Variants in NAV1 observed in about 807,000 individuals in gnomAD.
The protein encoded by NAV1 is pore membrane and/or filament interacting like protein 3.
In NAV1, 18 loss-of-function variants were observed where a neutral mutation model predicts 175.2. That is an observed-to-expected ratio of 0.10 (90% confidence interval 0.07 to 0.15). NAV1 has a LOEUF of 0.15. Among genes scored for constraint, NAV1 ranks in the 10% least tolerant of loss-of-function variants. NAV1 has a pLI of 1.00. For synonymous variants in NAV1, 897 were observed against 978.7 expected (o/e 0.92, Z 1.56); for missense variants, 1,731 against 2,436.6 (o/e 0.71, Z 6.10).
In NAV1 at chr1:201,705,001, T is replaced by C. The variant is rs1002630945; in HGVS notation, c.758-7816T>C. Among the ~76,000 whole-genome samples, 17 of 152,222 alleles carry C rather than the reference T, an allele frequency of 1.1e-4. 1 individual carries two copies. The highest frequency in any genetic ancestry group is 2.4e-5 in the African/African-American group (1 of 41,460). The stretch of plus-strand genomic sequence containing the variant: ...GAACTCTAAAAATTATTATTTTTTA[T>C]AGTGATGGGCTCTTGCTGTGTTGCC... On this transcript the variant is annotated intron_variant, in intron 1 of 29. Transcript: ENST00000367296.
intron 3 of NAV1, among the ~76,000 whole-genome samples, chr1:201,722,376 A>G (rs1672423176): frequency 6.6e-6 from 1 of 152,188 alleles, no homozygotes; most frequent in African/African-American, 2.4e-5. Context: ...TTGTTGTTTA[A>G]TGACTGGCTT....
intron 1 of NAV1, among the ~76,000 whole-genome samples, chr1:201,558,597 C>A (rs1034811968): frequency 5.3e-5 from 8 of 152,130 alleles, no homozygotes; most frequent in African/African-American, 2.4e-5. Context: ...GGATTACAGG[C>A]GCACACCACC....
At chr1:201,726,569 A>G (rs966205234) in intron 3 of NAV1, among the ~76,000 whole-genome samples, 8 of 148,176 alleles carry the variant, frequency 5.4e-5, no homozygotes, top group African/African-American at 2.0e-4. Context: ...AATTGCTTGA[A>G]CCCAGGAGGT....
In NAV1 at chr1:201,808,817, C is replaced by T. The variant is rs141703547; in HGVS notation, c.4153C>T (p.Arg1385Cys). The change falls in exon 20 of 30, where the codon CGC (arginine) becomes TGC (cysteine). Residue 1385 changes from arginine to cysteine, a missense_variant. This residue lies in a region of NAV1 where 122 missense variants were observed against 139.4 expected (regional missense o/e 0.88). Transcript: ENST00000367296. This position sits in a 1 kb window ranked among gnomAD's most constrained non-coding sequence, Gnocchi z 5.5. ...ATCATCTGCATTATCTTCCCCACGC[C>T]GCTCCCTAGGCCTGGCACTCACCCA... 8 of 1,613,896 alleles carry T rather than the reference C, an allele frequency of 5.0e-6. No individual in the cohort carries two copies. In the African/African-American group the frequency reaches 6.7e-5, roughly 13 times the overall value.
chr1:201,600,280 T>G (rs1336003484), intron 2 of NAV1, among the ~76,000 whole-genome samples: 1 of 152,212 alleles, frequency 6.6e-6, no homozygotes, highest in East Asian at 1.9e-4. Context: ...GACTTTCTCT[T>G]CCTTTTACTC....
At chr1:201,660,546 C>T (rs1460750518) in intron 1 of NAV1, among the ~76,000 whole-genome samples, 1 of 152,164 alleles carries the variant, frequency 6.6e-6, no homozygotes, top group Non-Finnish European at 1.5e-5. Context: ...AACACTTAGC[C>T]CCTGAGACTC....
intron 3 of NAV1, among the ~76,000 whole-genome samples, chr1:201,745,079 T>A (rs1445933104): frequency 6.6e-6 from 1 of 152,238 alleles, no homozygotes; most frequent in African/African-American, 2.4e-5. Context: ...TTGTGGAGCA[T>A]GTGTAGGATG....
At chr1:201,681,880 C>T (rs996272202) in intron 1 of NAV1, among the ~76,000 whole-genome samples, 3 of 151,978 alleles carry the variant, frequency 2.0e-5, no homozygotes, top group Admixed American at 6.6e-5. Context: ...TTTGGGAGGC[C>T]GAGGCAGGTG....
In NAV1 at chr1:201,718,334, C is replaced by G; in HGVS notation, c.861-56C>G. On this transcript the variant is annotated intron_variant, in intron 2 of 29. Coordinates refer to ENST00000367296, the Ensembl canonical transcript of NAV1. The surrounding 1 kb of genome is among the most constrained non-coding windows in gnomAD (Gnocchi z 4.8). ...CATTGCTGGGGTGCATGTGAGGGGA[C>G]AGGGCACACGGCGGCTGTGCCAAGG... 1 of 1,460,690 alleles carries G rather than the reference C, an allele frequency of 6.8e-7. No individual in the cohort carries two copies. The highest frequency in any genetic ancestry group is 9.1e-7 in the Non-Finnish European group (1 of 1,104,848). The allele number at this position is 1,460,690 out of a possible 1,614,324, so 90.5% of individuals were successfully genotyped here. A position where few individuals can be genotyped will look rare whatever the true frequency, so the allele number is the denominator to read the frequency against.
At chr1:201,798,695 CTTTTTTTTTTTT>C (rs764483919) in intron 15 of NAV1, 2 of 69,476 alleles carry the variant, frequency 2.9e-5, no homozygotes, top group African/African-American at 6.0e-5. Flanking sequence ...TTTTCTCTCT[CTTTTTTTTTTTT>C]TTTTTTTTTT....
chr1:201,723,404 G>A (rs1429112426), intron 3 of NAV1: 1 of 152,120 alleles, frequency 6.6e-6, no homozygotes, highest in Non-Finnish European at 1.5e-5. Flanking sequence ...TTCTGTAGAT[G>A]TATCCTTTGA....
intron 1 of NAV1, among the ~76,000 whole-genome samples, chr1:201,544,466 C>T (rs1665609761): frequency 1.3e-5 from 2 of 152,178 alleles, no homozygotes; most frequent in African/African-American, 4.8e-5. Flanking sequence ...TGTCATGTAG[C>T]TTTTTCTATT....
At chr1:201,715,808 T>C (rs1344590593) in intron 2 of NAV1, among the ~76,000 whole-genome samples, 3 of 152,312 alleles carry the variant, frequency 2.0e-5, no homozygotes, top group African/African-American at 7.2e-5. Context: ...CTGTGCTGCT[T>C]CCTCAATTTC....
intron 13 of NAV1, chr1:201,791,418 T>C (rs564834260): frequency 6.6e-6 from 1 of 152,468 alleles, no homozygotes; most frequent in Admixed American, 6.5e-5. Flanking sequence ...CCTTAGTTTT[T>C]CTACCCTGTG....
intron 3 of NAV1, among the ~76,000 whole-genome samples, chr1:201,720,124 G>A (rs1484697138): frequency 6.6e-6 from 1 of 152,244 alleles, no homozygotes; most frequent in Non-Finnish European, 1.5e-5. Flanking sequence ...CAGATCCTGA[G>A]CTCCTTCTGT....
At chr1:201,814,179 G>A (rs548270675) in intron 28 of NAV1, among the ~76,000 whole-genome samples, 100 of 152,140 alleles carry the variant, frequency 6.6e-4, no homozygotes, top group Middle Eastern at 3.4e-3. Flanking sequence ...CCAGGAGCTT[G>A]GGCAACATGG....
intron 3 of NAV1, among the ~76,000 whole-genome samples, chr1:201,765,682 AC>A (rs1675173112): frequency 6.6e-6 from 1 of 152,174 alleles, no homozygotes; most frequent in Non-Finnish European, 1.5e-5. Context: ...GGCATAAGCC[AC>A]CACACCCGGC....
At chr1:201,743,595 A>T (rs1449567354) in intron 3 of NAV1, among the ~76,000 whole-genome samples, 1 of 152,246 alleles carries the variant, frequency 6.6e-6, no homozygotes, top group Non-Finnish European at 1.5e-5. Context: ...AAGTGGAATT[A>T]TGACCACGTG....
intron 29 of NAV1, among the ~76,000 whole-genome samples, chr1:201,817,554 C>T (rs1679127296): frequency 6.6e-6 from 1 of 152,156 alleles, no homozygotes; most frequent in African/African-American, 2.4e-5. Context: ...ACTAGCAAAG[C>T]CAGGACCAGG....
Sources: allele counts gnomAD v4.1 joint callset (sites outside exome capture counted in the v4.1 genomes callset), GRCh38; gene constraint gnomAD v4.1.1; regional missense constraint gnomAD v4.1.1; non-coding constraint Gnocchi (gnomAD v3.1); transcripts MANE v1.5; gene names NCBI Gene and HGNC (gene_info 2026-07-23, HGNC 2026-07-21).